The following RNF4 variants were observed in gnomAD, a reference collection of about 807,000 sequenced individuals.
RNF4 encodes the protein ring finger protein 4.
In RNF4, 7 loss-of-function variants were observed where a neutral mutation model predicts 24.3. That is an observed-to-expected ratio of 0.29 (90% CI 0.16 to 0.54). The LOEUF is 0.54. Ranked by LOEUF, RNF4 falls within the 20% of genes least tolerant of loss-of-function variation. The pLI is 0.95. For synonymous variants in RNF4, 83 were observed against 84.3 expected (o/e 0.98, Z 0.09); for missense variants, 209 against 248.5 (o/e 0.84, Z 1.07).
intron 1 of RNF4, chr4:2,479,829 A>G (rs527670073): frequency 3.3e-5 from 5 of 152,230 alleles, no homozygotes; most frequent in South Asian, 2.1e-4. Flanking sequence ...TAAAGGCTTC[A>G]TTTCCCCCAT....
chr4:2,496,979 T>C, intron 2 of RNF4, 28 bp from the exon 3 acceptor site: 1 of 1,524,386 alleles, frequency 6.6e-7, no homozygotes, highest in Non-Finnish European at 8.9e-7. Context: ...GGTGTTCATG[T>C]GACTCTTCTT....
chr4:2,504,507 CTTCT>C (rs1418410886), intron 4 of RNF4, among the ~76,000 whole-genome samples: 4 of 150,256 alleles, frequency 2.7e-5, no homozygotes, highest in Non-Finnish European at 5.9e-5. Context: ...CTGTTTAAAA[CTTCT>C]TTGTTTTATA....
chr4:2,493,180 C>A lies in RNF4; in HGVS notation c.9+2678C>A, dbSNP rs555607312. 1.7e-4 allele frequency among the ~76,000 whole-genome samples: 26 copies of A among 152,066 alleles called. No individual in the cohort carries two copies. In the East Asian group the frequency reaches 4.6e-3, roughly 27 times the overall value. ...AGCAGAGTGGGAGGGTAAAGGATGT[C>A]CTCAGGAAGGAGGTGACATTTGAGT... On this transcript the variant is annotated intron_variant, in intron 2 of 7. Coordinates refer to ENST00000314289, the MANE Select transcript of RNF4 (RefSeq NM_002938.5).
chr4:2,513,030 TAATAA>T (rs1335064202), intron 6 of RNF4, 48 bp from the exon 7 acceptor site: 3 of 1,543,546 alleles, frequency 1.9e-6, no homozygotes, highest in Non-Finnish European at 2.7e-6. Context: ...TGACAGGGTA[TAATAA>T]AATGTTTGCG....
At chr4:2,487,367 C>T (rs559001381) in intron 1 of RNF4, among the ~76,000 whole-genome samples, 3 of 152,154 alleles carry the variant, frequency 2.0e-5, no homozygotes, top group Non-Finnish European at 4.4e-5. Context: ...CTCATTGCAA[C>T]CTCCGCCTCC....
At chr4:2,509,971 T>C (rs535450230) in intron 4 of RNF4, among the ~76,000 whole-genome samples, 2 of 152,262 alleles carry the variant, frequency 1.3e-5, no homozygotes, top group South Asian at 4.1e-4. Context: ...AGAGCCTCCT[T>C]TTCTAGATTT....
chr4:2,481,002 C>T (rs905165083), intron 1 of RNF4: 1 of 152,184 alleles, frequency 6.6e-6, no homozygotes, highest in Non-Finnish European at 1.5e-5. Context: ...ATTAGGTGAA[C>T]GCAAAAAGTT....
rs753740786 is a variant in RNF4, at chr4:2,514,770, T to G, written c.*951T>G. On this transcript the variant is annotated 3_prime_UTR_variant, in exon 8 of 8. Transcript: ENST00000314289. ...GGTGGTGGCAGTAATTGTGGCCTTA[T>G]CAGCCGCTCAGTTCCAGGCTTTTGC... 3 of 152,702 alleles carry G rather than the reference T, an allele frequency of 2.0e-5. No homozygotes were observed. The highest frequency in any genetic ancestry group is 6.5e-5 in the Admixed American group (1 of 15,276). 9.5% of individuals were successfully genotyped at this position (152,702 alleles called of 1,614,324 possible). A position where few individuals can be genotyped will look rare whatever the true frequency, so the allele number is the denominator to read the frequency against.
At chr4:2,497,374 C>T (rs1735770705) in intron 3 of RNF4, 2 of 288,130 alleles carry the variant, frequency 6.9e-6, no homozygotes, top group Non-Finnish European at 1.3e-5. Context: ...GATAGCCCAC[C>T]TTTTCTATCT....
At chr4:2,485,545 T>G (rs1200057588) in intron 1 of RNF4, among the ~76,000 whole-genome samples, 1 of 152,080 alleles carries the variant, frequency 6.6e-6, no homozygotes, top group African/African-American at 2.4e-5. Context: ...CCTCATTGGG[T>G]TTTATGGCCT....
intron 4 of RNF4, among the ~76,000 whole-genome samples, chr4:2,504,337 A>T (rs1164242230): frequency 6.6e-6 from 1 of 152,174 alleles, no homozygotes; most frequent in Non-Finnish European, 1.5e-5. Context: ...GTTCACATTC[A>T]TGCCAGTGTT....
At chr4:2,495,125 G>C in intron 2 of RNF4, among the ~76,000 whole-genome samples, 1 of 152,166 alleles carries the variant, frequency 6.6e-6, no homozygotes, top group South Asian at 2.1e-4. Context: ...TGCTCACTTG[G>C]GAGTTTTGGC....
chr4:2,485,262 C>T (rs1735371493), intron 1 of RNF4, among the ~76,000 whole-genome samples: 1 of 152,190 alleles, frequency 6.6e-6, no homozygotes, highest in African/African-American at 2.4e-5. Context: ...AGTTCCCCAG[C>T]CTGTGCATTG....
At chr4:2,493,805 G>A (rs1011182825) in intron 2 of RNF4, among the ~76,000 whole-genome samples, 1 of 150,566 alleles carries the variant, frequency 6.6e-6, no homozygotes, top group Non-Finnish European at 1.5e-5. Context: ...GAGGACAAAG[G>A]ACATTGTCAA....
chr4:2,497,163 G>A (rs774870358), intron 3 of RNF4, 42 bp downstream of exon 3: 42 of 1,470,490 alleles, frequency 2.9e-5, no homozygotes, highest in Non-Finnish European at 3.7e-5. Flanking sequence ...GTGTTAAAGT[G>A]GAGAGAGAAC....
intron 2 of RNF4, 143 bp from the exon 3 acceptor site, chr4:2,496,864 C>A: frequency 1.7e-6 from 1 of 589,386 alleles, no homozygotes; most frequent in Non-Finnish European, 3.0e-6. Flanking sequence ...ATTCTTGAAT[C>A]TCAAGTTTTG....
chr4:2,482,307 C>CA lies in RNF4; in HGVS notation c.-157-8029dup, dbSNP rs146655450. On this transcript the variant is annotated intron_variant, in intron 1 of 7. Transcript: ENST00000314289. The stretch of plus-strand genomic sequence containing the variant: ...CCCAGCCAACCCTGGGTTCTGAATA[C>CA]AGTAGAGGCAGCTAAGCTGCTAGCT... 8.1e-3 allele frequency among the ~76,000 whole-genome samples: 1,241 copies of CA among 152,316 alleles called. 19 individuals are homozygous for CA. The highest frequency in any genetic ancestry group is 0.027 in the African/African-American group (1,143 of 41,564).
chr4:2,490,590 A>G lies in RNF4; in HGVS notation c.9+88A>G, dbSNP rs1225908922. The G allele has an allele frequency of 4.3e-6, 6 of 1,382,332 alleles. No homozygotes were observed. In the South Asian group the frequency reaches 4.9e-5, roughly 11 times the overall value. 85.6% of individuals were successfully genotyped at this position (1,382,332 alleles called of 1,614,324 possible). The stretch of plus-strand genomic sequence containing the variant: ...TAGCACATTAGTGAAAGTGAGTTCC[A>G]TAATGTCACTTCTAAGTAACCCCAC... On this transcript the variant is annotated intron_variant, in intron 2 of 7. Transcript: ENST00000314289.
At chr4:2,513,480 T>C (rs1271352669) in intron 7 of RNF4, among the ~76,000 whole-genome samples, 190 bp from the exon 8 acceptor site, 1 of 152,210 alleles carries the variant, frequency 6.6e-6, no homozygotes, top group Non-Finnish European at 1.5e-5. Flanking sequence ...CCATGGCCCC[T>C]GCCTCCTGCT....
Sources: allele counts gnomAD v4.1 joint callset (sites outside exome capture counted in the v4.1 genomes callset), GRCh38; gene constraint gnomAD v4.1.1; transcripts MANE v1.5; gene names NCBI Gene and HGNC (gene_info 2026-07-23, HGNC 2026-07-21).